PCDHGA6: variants seen among roughly 807,000 people sequenced by gnomAD.
PCDHGA6 encodes the protein protocadherin gamma subfamily A, 6, also known as protocadherin gamma-A6.
A neutral mutation model predicts 60.6 loss-of-function variants in PCDHGA6; 41 were observed. The observed-to-expected ratio is 0.68, with a 90% CI of 0.53 to 0.88. PCDHGA6 has a LOEUF of 0.88. Among genes scored for constraint, PCDHGA6 ranks in the 40% least tolerant of loss-of-function variants. PCDHGA6 has a pLI of 0.00. For missense variants in PCDHGA6, 1,312 were observed against 1,203.0 expected (o/e 1.09, Z -1.34); for synonymous variants, 594 against 524.4 (o/e 1.13, Z -1.81).
chr5:141,384,354 C>T (rs1437330360), intron 1 of PCDHGA6: 13 of 1,613,844 alleles, frequency 8.1e-6, no homozygotes, highest in Non-Finnish European at 1.0e-5. Context: ...AGGATAATGC[C>T]CAGATCACTT....
chr5:141,399,310 A>G, intron 1 of PCDHGA6: 2 of 1,613,936 alleles, frequency 1.2e-6, no homozygotes, highest in Non-Finnish European at 1.7e-6. Context: ...CTCTTCATCC[A>G]AAAATTCGTA....
intron 1 of PCDHGA6, among the ~76,000 whole-genome samples, chr5:141,460,912 G>GTGTATATATA (rs145509489): frequency 6.7e-6 from 1 of 149,236 alleles, no homozygotes; most frequent in Non-Finnish European, 1.5e-5. Flanking sequence ...ATTCCATGGT[G>GTGTATATATA]TATATATATA....
chr5:141,404,992 C>G (rs2094593837), intron 1 of PCDHGA6: 5 of 1,613,876 alleles, frequency 3.1e-6, no homozygotes, highest in Admixed American at 3.3e-5. Context: ...GTCTTCAGAT[C>G]CCTGCAGACC....
intron 2 of PCDHGA6, among the ~76,000 whole-genome samples, chr5:141,496,419 C>T (rs1292183963): frequency 6.6e-6 from 1 of 152,174 alleles, no homozygotes; most frequent in Non-Finnish European, 1.5e-5. Flanking sequence ...TACTTGCTGT[C>T]CACATTTGCC....
At chr5:141,418,669 C>T (rs2096278985) in intron 1 of PCDHGA6, 1 of 1,614,018 alleles carries the variant, frequency 6.2e-7, no homozygotes, top group Non-Finnish European at 8.5e-7. Flanking sequence ...CTGACCAGGA[C>T]GAGGGCATCA....
chr5:141,382,576 G>A (rs1778302308), intron 1 of PCDHGA6, among the ~76,000 whole-genome samples: 1 of 152,162 alleles, frequency 6.6e-6, no homozygotes, highest in Non-Finnish European at 1.5e-5. Context: ...ATCTAACAGG[G>A]AAATTTTGAA....
intron 1 of PCDHGA6, chr5:141,389,720 C>T (rs1488646083): frequency 1.2e-6 from 2 of 1,612,576 alleles, no homozygotes; most frequent in East Asian, 4.5e-5. Flanking sequence ...CTAGCGAGCC[C>T]GGGCTCTTCA....
At chr5:141,480,948 G>C (rs1288557779) in intron 1 of PCDHGA6, among the ~76,000 whole-genome samples, 1 of 152,138 alleles carries the variant, frequency 6.6e-6, no homozygotes, top group Non-Finnish European at 1.5e-5. Context: ...TAGAGGCTGA[G>C]GCGGAAGCAT....
In PCDHGA6 at chr5:141,431,627, C is replaced by T. The variant is rs769351473; in HGVS notation, c.2424+55120C>T. 2.5e-6 allele frequency: 4 copies of T among 1,614,076 alleles called. No homozygotes were observed. The South Asian group carries it at 4.4e-5, about 18-fold the overall frequency. On this transcript the variant is annotated intron_variant, in intron 1 of 3. Coordinates refer to ENST00000517434, the MANE Select transcript of PCDHGA6 (RefSeq NM_018919.3). The surrounding 1 kb of genome is among the most constrained non-coding windows in gnomAD (Gnocchi z 4.8). Reference sequence around the variant, plus strand: ...CCGGTATGTGGACGACAAGGCGGCCCAAGTTTTCAAACTAGATTGTAATTC... The same window carrying T: ...CCGGTATGTGGACGACAAGGCGGCCTAAGTTTTCAAACTAGATTGTAATTC...
At chr5:141,379,876 T>C (rs1775908667) in intron 1 of PCDHGA6, among the ~76,000 whole-genome samples, 1 of 146,348 alleles carries the variant, frequency 6.8e-6, no homozygotes, top group African/African-American at 2.5e-5. Flanking sequence ...TATTTTATGG[T>C]CTGTGAAAGC....
chr5:141,384,638 G>T (rs1003169745), intron 1 of PCDHGA6: 38 of 1,614,070 alleles, frequency 2.4e-5, no homozygotes, highest in Non-Finnish European at 2.6e-5. Context: ...CTGGCACCCC[G>T]CTCCGCAGAG....
intron 1 of PCDHGA6, chr5:141,399,103 C>T (rs376000100): frequency 1.5e-5 from 25 of 1,613,604 alleles, no homozygotes; most frequent in East Asian, 6.7e-5. Context: ...ACTGGTTGCA[C>T]AATGTACAGT....
At position 141,494,826 on chromosome 5, in the gene PCDHGA6, A is replaced by C; in HGVS notation, c.2444A>C (p.Asp815Ala). The change falls in exon 2 of 4, where the codon GAC becomes GCC. Residue 815 changes from aspartate to alanine, a missense_variant. Asp to Ala is a moderately radical substitution (Grantham distance 126, BLOSUM62 -2). Transcript: ENST00000517434. The part of the protein sequence containing the change: ...RQLQQAPPNT[D>A]WRFSQAQRPG... ...CCACAGCAAGCCCCGCCCAACACGGACTGGCGTTTCTCTCAGGCCCAGAGA... is the reference window on the plus strand; with the variant it reads ...CCACAGCAAGCCCCGCCCAACACGGCCTGGCGTTTCTCTCAGGCCCAGAGA... 4 of 1,613,960 alleles carry C rather than the reference A, an allele frequency of 2.5e-6. No individual in the cohort carries two copies. Among genetic ancestry groups the C allele is most frequent in the Non-Finnish European group, 3.4e-6 (4 of 1,179,976 alleles).
chr5:141,431,700 TC>T lies in PCDHGA6; in HGVS notation c.2424+55194del. On this transcript the variant is annotated intron_variant, in intron 1 of 3. Coordinates refer to ENST00000517434, the MANE Select transcript of PCDHGA6 (RefSeq NM_018919.3). The surrounding 1 kb of genome is among the most constrained non-coding windows in gnomAD (Gnocchi z 4.8). ...GAGTTGGACCACGAGGAGTCAGGAT[TC>T]TACCAGATGGAAGTGCAAGCAATGG... 6.2e-7 allele frequency: 1 copy of T among 1,614,218 alleles called. No individual in the cohort carries two copies.
chr5:141,405,242 A>G, intron 1 of PCDHGA6: 1 of 1,614,156 alleles, frequency 6.2e-7, no homozygotes, highest in Non-Finnish European at 8.5e-7. Flanking sequence ...CGCTGACTCA[A>G]GGAAGAGTCA....
chr5:141,432,960 G>C lies in PCDHGA6; in HGVS notation c.2424+56453G>C. ...CAGGCTTCAGGAGGCGGCTTGACAG[G>C]AGCGCCGGCGTCGCACTTTGTGGGC... On this transcript the variant is annotated intron_variant, in intron 1 of 3. Transcript: ENST00000517434. This position sits in a 1 kb window ranked among gnomAD's most constrained non-coding sequence, Gnocchi z 6.0. The C allele has an allele frequency of 2.5e-6, 4 of 1,614,188 alleles. No homozygotes were observed. The highest frequency in any genetic ancestry group is 3.4e-6 in the Non-Finnish European group (4 of 1,180,034).
chr5:141,485,278 C>T lies in PCDHGA6; in HGVS notation c.2425-9529C>T. On this transcript the variant is annotated intron_variant, in intron 1 of 3. Transcript: ENST00000517434. The surrounding 1 kb of genome is among the most constrained non-coding windows in gnomAD (Gnocchi z 5.7). ...TTTGTGGGCAGATCCGCTACCCGGTCCCAGAGGAGTCACAGGAAGGGACTT... is the reference window on the plus strand; with the variant it reads ...TTTGTGGGCAGATCCGCTACCCGGTTCCAGAGGAGTCACAGGAAGGGACTT... 1 of 1,614,064 alleles carries T rather than the reference C, an allele frequency of 6.2e-7. No homozygotes were observed. The highest frequency in any genetic ancestry group is 1.1e-5 in the South Asian group (1 of 91,080).
In PCDHGA6 at chr5:141,374,633, A is replaced by G; in HGVS notation, c.550A>G (p.Ser184Gly). 1 of 1,613,130 alleles carries G rather than the reference A, an allele frequency of 6.2e-7. No individual in the cohort carries two copies. The highest frequency in any genetic ancestry group is 1.1e-5 in the South Asian group (1 of 91,000). Reference sequence around the variant, plus strand: ...TAGTCACTTCTCAGTGGACGTGCAAAGCGAAGCCCATGGGCCCAAGTACCC... The same window carrying G: ...TAGTCACTTCTCAGTGGACGTGCAAGGCGAAGCCCATGGGCCCAAGTACCC... ...GNSHFSVDVQ[S>G]EAHGPKYPEL... Residue 184 changes from serine to glycine, a missense_variant, in exon 1 of 4, where the codon AGC (serine) becomes GGC (glycine). Transcript: ENST00000517434.
chr5:141,510,791 A>C (rs1244085822), intron 3 of PCDHGA6, 156 bp from the exon 4 acceptor site: 1 of 929,250 alleles, frequency 1.1e-6, no homozygotes, highest in Non-Finnish European at 1.3e-6. Context: ...AACTCTTGTG[A>C]AGAGAGACTA....
Sources: allele counts gnomAD v4.1 joint callset (sites outside exome capture counted in the v4.1 genomes callset), GRCh38; gene constraint gnomAD v4.1.1; non-coding constraint Gnocchi (gnomAD v3.1); transcripts MANE v1.5; gene names NCBI Gene and HGNC (gene_info 2026-07-23, HGNC 2026-07-21).